RERE: variants seen among roughly 807,000 people sequenced by gnomAD.
The protein encoded by RERE is arginine-glutamic acid dipeptide repeats.
In RERE, 40 loss-of-function variants were observed where a neutral mutation model predicts 146.1. The observed-to-expected ratio is 0.27, with a 90% CI of 0.21 to 0.36. RERE has a LOEUF of 0.36. Among genes scored for constraint, RERE ranks in the 10% least tolerant of loss-of-function variants. The pLI is 1.00. For missense variants in RERE, 1,933 were observed against 2,138.7 expected, an observed-to-expected ratio of 0.90 and a Z score of 1.90; for synonymous variants, 1,003 against 866.0, an observed-to-expected ratio of 1.16 and a Z score of -2.78.
chr1:8,810,511 C>T (rs1470830248), intron 1 of RERE, among the ~76,000 whole-genome samples: 2 of 152,110 alleles, frequency 1.3e-5, no homozygotes, highest in African/African-American at 4.8e-5. Context: ...GTGGCTGAGG[C>T]AGGAGGATCA....
intron 1 of RERE, chr1:8,805,764 T>A (rs960418527): frequency 6.6e-6 from 1 of 150,890 alleles, no homozygotes; most frequent in South Asian, 2.1e-4. Flanking sequence ...GAGGCAAAAG[T>A]TGCAGTGAGC....
intron 10 of RERE, among the ~76,000 whole-genome samples, chr1:8,479,896 GT>G (rs892595925): frequency 6.6e-6 from 1 of 152,096 alleles, no homozygotes; most frequent in African/African-American, 2.4e-5. Flanking sequence ...ATTCTGAGGT[GT>G]TTCCAAAATA....
At chr1:8,482,390 A>T (rs1437747022) in intron 10 of RERE, among the ~76,000 whole-genome samples, 1 of 152,142 alleles carries the variant, frequency 6.6e-6, no homozygotes, top group Non-Finnish European at 1.5e-5. Flanking sequence ...TTCAAACAAG[A>T]CAAAAAATAG....
chr1:8,530,511 C>A (rs1156977825), intron 7 of RERE, among the ~76,000 whole-genome samples: 2 of 150,898 alleles, frequency 1.3e-5, no homozygotes, highest in African/African-American at 4.9e-5. Flanking sequence ...GGAGGCGGGG[C>A]GGGGAGGGGA....
rs573668790 is a variant in RERE, at chr1:8,600,474, A to G, written c.522+14087T>C. Among the ~76,000 whole-genome samples the G allele has an allele frequency of 8.5e-5, 13 of 152,358 alleles. No homozygotes were observed. In the East Asian group the frequency reaches 2.5e-3, roughly 29 times the overall value. ...TCTTAAGAGCAGATTGAAAATCATA[A>G]TAATAGCTGTGCCAATTCTCTGGAC... is the stretch of plus-strand genomic sequence containing the variant. On this transcript the variant is annotated intron_variant, in intron 4 of 22. Coordinates refer to ENST00000400908, the MANE Select transcript of RERE (RefSeq NM_001042681.2).
At chr1:8,503,087 A>AAAAAAAAT (rs1553176579) in intron 8 of RERE, among the ~76,000 whole-genome samples, 9 of 144,654 alleles carry the variant, frequency 6.2e-5, no homozygotes, top group African/African-American at 2.4e-4. Flanking sequence ...TGATCAATTA[A>AAAAAAAAT]AAATAAATAA....
intron 1 of RERE, among the ~76,000 whole-genome samples, chr1:8,713,507 G>A (rs973698264): frequency 1.3e-5 from 2 of 152,052 alleles, no homozygotes; most frequent in Non-Finnish European, 2.9e-5. Context: ...GCTGAGGTGG[G>A]CGGATCACCT....
intron 1 of RERE, among the ~76,000 whole-genome samples, chr1:8,731,012 G>C (rs1183360173): frequency 6.6e-6 from 1 of 152,110 alleles, no homozygotes; most frequent in African/African-American, 2.4e-5. Context: ...TGGGGTCACA[G>C]AGCAAACAGC....
chr1:8,743,473 G>A (rs918813248), intron 1 of RERE, among the ~76,000 whole-genome samples: 8 of 146,386 alleles, frequency 5.5e-5, no homozygotes, highest in African/African-American at 2.0e-4. Flanking sequence ...TCACCATGTT[G>A]GCCAGGCTGG....
chr1:8,380,108 A>G (rs1642394756), intron 12 of RERE, among the ~76,000 whole-genome samples: 1 of 152,128 alleles, frequency 6.6e-6, no homozygotes, highest in Non-Finnish European at 1.5e-5. Flanking sequence ...AACATACCAT[A>G]ACCCCATCCC....
At chr1:8,592,699 T>C (rs952148175) in intron 4 of RERE, among the ~76,000 whole-genome samples, 3 of 152,076 alleles carry the variant, frequency 2.0e-5, no homozygotes, top group Non-Finnish European at 2.9e-5. Context: ...CTGGGAAACA[T>C]AGTGAGATCC....
At chr1:8,585,077 G>A (rs1646410894) in intron 4 of RERE, among the ~76,000 whole-genome samples, 1 of 150,894 alleles carries the variant, frequency 6.6e-6, no homozygotes, top group South Asian at 2.1e-4. Flanking sequence ...GAACCAGGGA[G>A]GCAAGGTTGC....
chr1:8,466,781 A>G (rs145652061), intron 10 of RERE, among the ~76,000 whole-genome samples: 153 of 152,310 alleles, frequency 1.0e-3, no homozygotes, highest in African/African-American at 3.6e-3. Flanking sequence ...AAAGCTAATC[A>G]ACTTTTCTCA....
intron 5 of RERE, among the ~76,000 whole-genome samples, chr1:8,557,215 T>A (rs904713345): frequency 7.2e-5 from 11 of 152,114 alleles, no homozygotes; most frequent in Admixed American, 7.2e-4. Flanking sequence ...TCTCTCAACC[T>A]CAGTTTCCTC....
chr1:8,469,454 T>C (rs1644650934), intron 10 of RERE, among the ~76,000 whole-genome samples: 1 of 151,992 alleles, frequency 6.6e-6, no homozygotes. Flanking sequence ...GCATCCCTAC[T>C]AAAAAACTAT....
chr1:8,398,453 C>T (rs1197399047), intron 12 of RERE, among the ~76,000 whole-genome samples: 2 of 152,214 alleles, frequency 1.3e-5, no homozygotes, highest in South Asian at 2.1e-4. Context: ...TTCTTCCTGA[C>T]GTGTGTCTTG....
At chr1:8,674,599 T>C (rs1039620100) in intron 1 of RERE, among the ~76,000 whole-genome samples, 5 of 152,220 alleles carry the variant, frequency 3.3e-5, no homozygotes, top group African/African-American at 7.2e-5. Context: ...CCATCTCATA[T>C]AGTGTAAAAT....
At chr1:8,571,679 A>G (rs1047953307) in intron 4 of RERE, among the ~76,000 whole-genome samples, 1 of 152,230 alleles carries the variant, frequency 6.6e-6, no homozygotes, top group Admixed American at 6.5e-5. Flanking sequence ...CTTTAATACT[A>G]GTTAGTCTAT....
At chr1:8,675,511 A>AAAT (rs1638815389) in intron 1 of RERE, among the ~76,000 whole-genome samples, 2 of 151,272 alleles carry the variant, frequency 1.3e-5, no homozygotes. Flanking sequence ...AAAAAAAAAA[A>AAAT]AAAAATACAA....
Sources: allele counts gnomAD v4.1 joint callset (sites outside exome capture counted in the v4.1 genomes callset), GRCh38; gene constraint gnomAD v4.1.1; transcripts MANE v1.5; gene names NCBI Gene and HGNC (gene_info 2026-07-23, HGNC 2026-07-21).